Variants in SSH1 observed in about 807,000 individuals in gnomAD.
The protein encoded by SSH1 is protein phosphatase Slingshot homolog 1.
A neutral mutation model predicts 79.7 loss-of-function variants in SSH1; 43 were observed. The observed-to-expected ratio is 0.54, with a 90% CI of 0.42 to 0.70. The LOEUF (loss-of-function observed/expected upper bound fraction) is 0.70, where lower values mean the gene tolerates loss of function less well. Ranked by LOEUF, SSH1 falls within the 30% of genes least tolerant of loss-of-function variation. The pLI is 0.00. For synonymous variants in SSH1, 599 were observed against 538.3 expected (o/e 1.11, Z -1.56); for missense variants, 1,206 against 1,358.8 (o/e 0.89, Z 1.77).
intron 1 of SSH1, among the ~76,000 whole-genome samples, chr12:108,855,202 G>A (rs1204397700): frequency 6.6e-6 from 1 of 152,172 alleles, no homozygotes; most frequent in Admixed American, 6.5e-5. Context: ...CATGAACTTT[G>A]AAAACGTGAT....
intron 2 of SSH1, among the ~76,000 whole-genome samples, chr12:108,829,341 G>A (rs1187558044): frequency 6.6e-6 from 1 of 152,068 alleles, no homozygotes; most frequent in Non-Finnish European, 1.5e-5. Flanking sequence ...AGGGGCGGTG[G>A]GGAACAAAAG....
At chr12:108,819,777 A>G (rs80062739) in intron 3 of SSH1, among the ~76,000 whole-genome samples, 2 of 152,322 alleles carry the variant, frequency 1.3e-5, no homozygotes, top group East Asian at 3.9e-4. Context: ...CACCCTGGGC[A>G]ACACGATAAG....
At position 108,788,371 on chromosome 12, in the gene SSH1, G is replaced by A. The variant is rs1323034576; in HGVS notation, c.2767C>T (p.Pro923Ser). The A allele has an allele frequency of 1.1e-4, 182 of 1,612,760 alleles. No homozygotes were observed. Among genetic ancestry groups the A allele is most frequent in the Non-Finnish European group, 1.5e-4 (178 of 1,179,862 alleles). The change falls in exon 15 of 15, where the codon CCC (proline) becomes TCC (serine). Residue 923 changes from proline to serine, a missense_variant. Physicochemically the swap from Pro to Ser is moderately conservative, Grantham distance 74. Coordinates refer to ENST00000326495, the MANE Select transcript of SSH1 (RefSeq NM_018984.4). The part of the protein sequence containing the change: ...KDFLKTICYT[P>S]TSSSMSSNLT... Reference sequence around the variant, plus strand: ...TTGGAGCTCATGGAAGAGGAGGTGGGGGTGTAGCAGATGGTCTTCAGAAAG... The same window carrying A: ...TTGGAGCTCATGGAAGAGGAGGTGGAGGTGTAGCAGATGGTCTTCAGAAAG...
intron 2 of SSH1, among the ~76,000 whole-genome samples, chr12:108,834,877 T>C (rs913436001): frequency 6.4e-4 from 98 of 152,248 alleles, no homozygotes; most frequent in African/African-American, 2.3e-3. Context: ...GGCCAAGCTG[T>C]GCTCTTCTCT....
At chr12:108,805,803 G>A (rs1012380524) in intron 9 of SSH1, among the ~76,000 whole-genome samples, 1 of 151,868 alleles carries the variant, frequency 6.6e-6, no homozygotes, top group Non-Finnish European at 1.5e-5. Flanking sequence ...TGAATAAAAA[G>A]CAATGGAAAA....
intron 14 of SSH1, 60 bp downstream of exon 14, chr12:108,792,226 C>G (rs2036534341): frequency 6.2e-7 from 1 of 1,613,288 alleles, no homozygotes; most frequent in Non-Finnish European, 8.5e-7. Flanking sequence ...CTGAGGTAGG[C>G]CAATTAGAGT....
intron 10 of SSH1, among the ~76,000 whole-genome samples, chr12:108,802,751 A>C (rs1184786860): frequency 6.6e-6 from 1 of 152,210 alleles, no homozygotes; most frequent in Non-Finnish European, 1.5e-5. Context: ...TTCACAAGCC[A>C]CTAATTAAAG....
In SSH1 at chr12:108,857,341, C is replaced by T. The variant is rs1458450882; in HGVS notation, c.69+87G>A. 3 of 809,704 alleles carry T rather than the reference C, an allele frequency of 3.7e-6. No individual in the cohort carries two copies. The highest frequency in any genetic ancestry group is 4.5e-6 in the Non-Finnish European group (3 of 670,086). The allele number at this position is 809,704 out of a possible 1,614,324, so 50.2% of individuals were successfully genotyped here. ...CCCCGAGGAGCCCGCGCAGCCGCCC[C>T]CCTGCCCCGCACGCGCGGCCCCAGC... is the stretch of plus-strand genomic sequence containing the variant. On this transcript the variant is annotated intron_variant, in intron 1 of 14. Transcript: ENST00000326495. This position sits in a 1 kb window ranked among gnomAD's most constrained non-coding sequence, Gnocchi z 4.7.
rs2036179531 is a variant in SSH1, at chr12:108,783,227, C to A, written c.*4761G>T. The stretch of plus-strand genomic sequence containing the variant: ...CCAATGCCTGCCTGGCCTGCAGGAA[C>A]CGCCAGTGTTGTTTCTAGCAAGGCT... On this transcript the variant is annotated 3_prime_UTR_variant, in exon 15 of 15. Coordinates refer to ENST00000326495, the MANE Select transcript of SSH1 (RefSeq NM_018984.4). 6.6e-6 allele frequency: 1 copy of A among 152,256 alleles called. No individual in the cohort carries two copies. Among genetic ancestry groups the A allele is most frequent in the South Asian group, 2.1e-4 (1 of 4,834 alleles). 9.4% of individuals were successfully genotyped at this position (152,256 alleles called of 1,614,324 possible).
At chr12:108,828,457 G>A (rs1157686169) in intron 2 of SSH1, among the ~76,000 whole-genome samples, 1 of 152,216 alleles carries the variant, frequency 6.6e-6, no homozygotes, top group East Asian at 1.9e-4. Flanking sequence ...TTATGCTGCG[G>A]TCACATCCGC....
At chr12:108,792,860 GGGA>G (rs2036574235) in intron 13 of SSH1, 31 bp from the exon 14 acceptor site, 2 of 1,612,178 alleles carry the variant, frequency 1.2e-6, no homozygotes, top group South Asian at 1.1e-5. Context: ...GGAAGGTGAG[GGGA>G]GGAGGATGGT....
Position 108,807,922 on chromosome 12 carries a change from G to A in SSH1, c.537-95C>T, listed in dbSNP as rs2037368216. On this transcript the variant is annotated intron_variant, in intron 7 of 14. Transcript: ENST00000326495. This position sits in a 1 kb window ranked among gnomAD's most constrained non-coding sequence, Gnocchi z 5.2. ...AGGGGTTCAAATACGGGAAGGGAAG[G>A]GCAATGATTGATTGGTTGATTATTT... is the stretch of plus-strand genomic sequence containing the variant. The A allele has an allele frequency of 9.2e-7, 1 of 1,085,444 alleles. No homozygotes were observed. The highest frequency in any genetic ancestry group is 1.5e-5 in the African/African-American group (1 of 64,600). The allele number at this position is 1,085,444 out of a possible 1,614,324, so 67.2% of individuals were successfully genotyped here. A position where few individuals can be genotyped will look rare whatever the true frequency, so the allele number is the denominator to read the frequency against.
At chr12:108,836,906 C>T (rs1593116217) in intron 2 of SSH1, 1 of 533,680 alleles carries the variant, frequency 1.9e-6, no homozygotes, top group East Asian at 5.4e-5. Flanking sequence ...CTGAGGGACA[C>T]TCTGCAAACT....
rs551840561 is a variant in SSH1 at position 108,799,215 on chromosome 12, G to A, written c.1149-15C>T. 2 of 1,604,658 alleles carry A rather than the reference G, an allele frequency of 1.2e-6. No homozygotes were observed. The highest frequency in any genetic ancestry group is 1.7e-4 in the Middle Eastern group (1 of 6,026). On this transcript the variant is annotated splice_polypyrimidine_tract_variant and intron_variant, in intron 12 of 14. Coordinates refer to ENST00000326495, the MANE Select transcript of SSH1 (RefSeq NM_018984.4). ...AATGGTTCCTCCTGCAGGGGTGGGA[G>A]CAGTTGGGGAGGAGAGATGGGGGAG...
At chr12:108,804,307 C>T (rs2037164952) in intron 10 of SSH1, among the ~76,000 whole-genome samples, 1 of 152,238 alleles carries the variant, frequency 6.6e-6, no homozygotes, top group Non-Finnish European at 1.5e-5. Flanking sequence ...AGTCACATAG[C>T]CGCTGAGGCT....
rs1301350032 is a variant in SSH1 at position 108,787,132 on chromosome 12, T to G, written c.*856A>C. The G allele has an allele frequency of 6.6e-6, 1 of 152,238 alleles. No homozygotes were observed. 9.4% of individuals were successfully genotyped at this position (152,238 alleles called of 1,614,324 possible). A position where few individuals can be genotyped will look rare whatever the true frequency, so the allele number is the denominator to read the frequency against. On this transcript the variant is annotated 3_prime_UTR_variant, in exon 15 of 15. Transcript: ENST00000326495. ...CAGAACCACCACCTGAGCCAGACACTTGAGCAATTTCAAACCTAAACACAA... is the reference window on the plus strand; with the variant it reads ...CAGAACCACCACCTGAGCCAGACACGTGAGCAATTTCAAACCTAAACACAA...
intron 2 of SSH1, among the ~76,000 whole-genome samples, chr12:108,845,413 C>T (rs534196125): frequency 6.6e-6 from 1 of 152,156 alleles, no homozygotes; most frequent in Admixed American, 6.5e-5. Flanking sequence ...GCTGGCCAGG[C>T]ATGATGGCTC....
At chr12:108,815,369 G>A (rs1302374605) in intron 5 of SSH1, among the ~76,000 whole-genome samples, 1 of 152,228 alleles carries the variant, frequency 6.6e-6, no homozygotes, top group Admixed American at 6.5e-5. Context: ...GGAGGACTGG[G>A]CTTCCACACT....
Position 108,792,684 on chromosome 12 carries a change from C to T in SSH1, c.1495G>A (p.Ala499Thr), listed in dbSNP as rs371382269. 4.7e-5 allele frequency: 75 copies of T among 1,612,368 alleles called. No individual in the cohort carries two copies. The highest frequency in any genetic ancestry group is 5.8e-5 in the Non-Finnish European group (68 of 1,180,012). The change falls in exon 14 of 15, where the codon GCC becomes ACC. Residue 499 changes from alanine to threonine, a missense_variant. Coordinates refer to ENST00000326495, the MANE Select transcript of SSH1 (RefSeq NM_018984.4). The stretch of plus-strand genomic sequence containing the variant: ...AGGGGGGGCCCTAAGCCGGGCTGGG[C>T]GGCATCATCCAAGAAGGGCAGCTGG... Reference protein sequence around the residue: ...ESQLPFLDDAAQPGLGPPLPC... With the variant: ...ESQLPFLDDATQPGLGPPLPC...
Sources: allele counts gnomAD v4.1 joint callset (sites outside exome capture counted in the v4.1 genomes callset), GRCh38; gene constraint gnomAD v4.1.1; non-coding constraint Gnocchi (gnomAD v3.1); transcripts MANE v1.5; gene names NCBI Gene and HGNC (gene_info 2026-07-23, HGNC 2026-07-21).